ADAMTSL1: variants seen among roughly 807,000 people sequenced by gnomAD.
ADAMTSL1 encodes ADAMTS-like protein 1.
In ADAMTSL1, 126 loss-of-function variants were observed where a neutral mutation model predicts 201.8. That is an observed-to-expected ratio of 0.62 (90% confidence interval 0.54 to 0.72). The LOEUF is 0.72. Ranked by LOEUF, ADAMTSL1 falls within the 30% of genes least tolerant of loss-of-function variation. ADAMTSL1 has a pLI of 0.00. For synonymous variants in ADAMTSL1, 1,121 were observed against 903.4 expected, an observed-to-expected ratio of 1.24 and a Z score of -4.32; for missense variants, 2,679 against 2,277.8, an observed-to-expected ratio of 1.18 and a Z score of -3.59.
chr9:18,299,195 T>A (rs754436329), intron 2 of ADAMTSL1, among the ~76,000 whole-genome samples: 1 of 151,978 alleles, frequency 6.6e-6, no homozygotes, highest in Non-Finnish European at 1.5e-5. Context: ...AGCTAATAAG[T>A]GTGAGAGCTA....
chr9:18,713,756 A>C (rs902693879), intron 14 of ADAMTSL1, among the ~76,000 whole-genome samples: 29 of 149,266 alleles, frequency 1.9e-4, no homozygotes, highest in African/African-American at 7.1e-4. Flanking sequence ...GACCTAATAG[A>C]CATCTACAGA....
chr9:18,848,102 G>T (rs1826247436), intron 23 of ADAMTSL1, among the ~76,000 whole-genome samples: 1 of 152,104 alleles, frequency 6.6e-6, no homozygotes, highest in South Asian at 2.1e-4. Context: ...ACATGTGCTG[G>T]GCACCTGCTC....
chr9:18,569,980 T>C (rs910769305), intron 3 of ADAMTSL1, among the ~76,000 whole-genome samples: 1 of 152,074 alleles, frequency 6.6e-6, no homozygotes, highest in Non-Finnish European at 1.5e-5. Context: ...AAAGCATCTC[T>C]CCAAAAGCTG....
intron 23 of ADAMTSL1, among the ~76,000 whole-genome samples, chr9:18,854,480 GAACCAGGT>G (rs1826717648): frequency 6.6e-6 from 1 of 152,158 alleles, no homozygotes; most frequent in Non-Finnish European, 1.5e-5. Flanking sequence ...GTGAGAAGAG[GAACCAGGT>G]AGTTGAGGGA....
intron 2 of ADAMTSL1, among the ~76,000 whole-genome samples, chr9:18,387,325 T>C (rs560651830): frequency 9.5e-4 from 144 of 152,096 alleles, no homozygotes; most frequent in African/African-American, 3.2e-3. Flanking sequence ...AGACATATAG[T>C]AATGATACCA....
chr9:18,368,695 ATGCTGCC>A (rs1836898951), intron 2 of ADAMTSL1, among the ~76,000 whole-genome samples: 1 of 152,186 alleles, frequency 6.6e-6, no homozygotes, highest in African/African-American at 2.4e-5. Flanking sequence ...ATTGTATCAC[ATGCTGCC>A]TTCTGTGGTG....
intron 10 of ADAMTSL1, among the ~76,000 whole-genome samples, chr9:18,676,159 G>T (rs2133130752): frequency 6.6e-6 from 1 of 152,116 alleles, no homozygotes; most frequent in Non-Finnish European, 1.5e-5. Context: ...AATTCACTCT[G>T]ATTAGATACA....
intron 1 of ADAMTSL1, among the ~76,000 whole-genome samples, chr9:18,080,987 T>G (rs1823476741): frequency 1.3e-5 from 2 of 152,260 alleles, no homozygotes; most frequent in South Asian, 4.1e-4. Flanking sequence ...ATCAATGATT[T>G]ATCTGGTGAT....
chr9:18,338,305 G>A (rs1350446973), intron 2 of ADAMTSL1, among the ~76,000 whole-genome samples: 2 of 152,048 alleles, frequency 1.3e-5, no homozygotes, highest in Non-Finnish European at 2.9e-5. Flanking sequence ...TTTCCCACAT[G>A]AGCATCCACC....
At chr9:18,219,811 G>A (rs1262688217) in intron 2 of ADAMTSL1, among the ~76,000 whole-genome samples, 1 of 151,876 alleles carries the variant, frequency 6.6e-6, no homozygotes, top group African/African-American at 2.4e-5. Context: ...TATTTTAATT[G>A]TTTGCTGATG....
intron 2 of ADAMTSL1, among the ~76,000 whole-genome samples, chr9:18,466,695 T>C (rs540798682): frequency 1.3e-5 from 2 of 152,240 alleles, no homozygotes; most frequent in East Asian, 3.9e-4. Flanking sequence ...ATAGGTTCTT[T>C]TTTATATTTA....
At chr9:17,920,901 A>G (rs10963340) in intron 1 of ADAMTSL1, among the ~76,000 whole-genome samples, 33,124 of 152,212 alleles carry the variant, frequency 0.22, 3,973 homozygotes, top group East Asian at 0.37. Context: ...GATTTGGCCC[A>G]TGGGCCATCG....
intron 2 of ADAMTSL1, among the ~76,000 whole-genome samples, chr9:18,380,322 G>A (rs1395867914): frequency 2.0e-5 from 3 of 152,092 alleles, no homozygotes; most frequent in Non-Finnish European, 4.4e-5. Context: ...TGCACAATTT[G>A]TGAAACAAAA....
intron 1 of ADAMTSL1, among the ~76,000 whole-genome samples, chr9:18,046,985 G>A (rs1821687370): frequency 6.6e-6 from 1 of 152,014 alleles, no homozygotes; most frequent in African/African-American, 2.4e-5. Flanking sequence ...GATGTGTGTG[G>A]GAGTTCAGAT....
intron 2 of ADAMTSL1, among the ~76,000 whole-genome samples, chr9:18,385,387 G>A (rs528559838): frequency 5.2e-4 from 79 of 152,246 alleles, no homozygotes; most frequent in African/African-American, 1.8e-3. Context: ...TTAAATGAAT[G>A]AAGTGTCTCC....
At chr9:17,989,364 T>G (rs1390641814) in intron 1 of ADAMTSL1, among the ~76,000 whole-genome samples, 2 of 151,984 alleles carry the variant, frequency 1.3e-5, no homozygotes, top group African/African-American at 4.8e-5. Flanking sequence ...ACAATAGAAT[T>G]ATACAAAATC....
chr9:18,071,078 A>G (rs1822942194), intron 1 of ADAMTSL1, among the ~76,000 whole-genome samples: 2 of 152,168 alleles, frequency 1.3e-5, no homozygotes, highest in Admixed American at 6.5e-5. Context: ...AAAGATCAAG[A>G]ATATATGGAG....
intron 1 of ADAMTSL1, among the ~76,000 whole-genome samples, chr9:18,485,064 A>G (rs941044785): frequency 2.0e-5 from 3 of 152,214 alleles, no homozygotes; most frequent in African/African-American, 7.2e-5. Flanking sequence ...TAAATTATCT[A>G]ATTCTCATAA....
intron 3 of ADAMTSL1, among the ~76,000 whole-genome samples, chr9:18,564,100 G>A (rs112267741): frequency 0.028 from 4,204 of 152,238 alleles, 195 homozygotes; most frequent in African/African-American, 0.095. Flanking sequence ...CTGCTTAAAC[G>A]GCCGCCCAGT....
Sources: gnomAD v4.1 joint callset for allele counts (sites outside exome capture counted in the v4.1 genomes callset) on GRCh38, gnomAD v4.1.1 for gene constraint, MANE v1.5 for transcripts, NCBI Gene and HGNC (gene_info 2026-07-23, HGNC 2026-07-21) for gene names.